The following SEMA6D variants were observed in gnomAD, a reference collection of about 807,000 sequenced individuals.
SEMA6D encodes the protein semaphorin-6D.
Under a neutral mutation model 106.6 loss-of-function variants are expected in SEMA6D, and 35 were observed. The ratio of observed to expected loss-of-function variants is 0.33; its 90% CI spans 0.25 to 0.44. SEMA6D has a LOEUF of 0.44. Ranked by LOEUF, SEMA6D falls within the 20% of genes least tolerant of loss-of-function variation. The pLI, the probability that SEMA6D is intolerant of heterozygous loss-of-function variation, is 1.00. For synonymous variants in SEMA6D, 499 were observed against 487.7 expected (o/e 1.02, Z -0.31); for missense variants, 1,185 against 1,345.9 (o/e 0.88, Z 1.87).
intron 1 of SEMA6D, among the ~76,000 whole-genome samples, chr15:47,343,806 G>A (rs190691605): frequency 0.011 from 1,672 of 152,076 alleles, 13 homozygotes; most frequent in Non-Finnish European, 0.014. Flanking sequence ...GGTATTTCTA[G>A]TTATATGGGA....
At chr15:47,716,853 A>G (rs2146179424), upstream of SEMA6D, 1 of 133,980 alleles carries the variant, frequency 7.5e-6, no homozygotes, top group African/African-American at 2.9e-5. Flanking sequence ...CAATTTCTGT[A>G]TTTTATAAAG....
chr15:47,705,464 C>T (rs1279968557), intron 4 of SEMA6D, among the ~76,000 whole-genome samples: 1 of 152,194 alleles, frequency 6.6e-6, no homozygotes, highest in Non-Finnish European at 1.5e-5. Flanking sequence ...GAGGTCAAAG[C>T]TAAGCCGAAA....
chr15:47,188,016 G>A (rs1485502722), intron 1 of SEMA6D, among the ~76,000 whole-genome samples: 1 of 152,152 alleles, frequency 6.6e-6, no homozygotes, highest in Non-Finnish European at 1.5e-5. Flanking sequence ...AAATAAGAGA[G>A]TTTCATGGTG....
intron 1 of SEMA6D, among the ~76,000 whole-genome samples, chr15:47,287,916 G>T (rs1032064220): frequency 6.6e-6 from 1 of 152,090 alleles, no homozygotes; most frequent in Non-Finnish European, 1.5e-5. Context: ...TTCCAAGGAG[G>T]CCTCAGGAAG....
At chr15:47,509,502 T>C (rs970485016) in intron 3 of SEMA6D, among the ~76,000 whole-genome samples, 3 of 152,164 alleles carry the variant, frequency 2.0e-5, no homozygotes, top group African/African-American at 7.2e-5. Context: ...CTCTATAACC[T>C]AATAAATAAT....
At chr15:47,544,379 G>A (rs746074525) in intron 3 of SEMA6D, among the ~76,000 whole-genome samples, 15 of 152,062 alleles carry the variant, frequency 9.9e-5, no homozygotes, top group South Asian at 2.1e-4. Context: ...TCTATTCAAC[G>A]AATAGCTATT....
At chr15:47,660,632 G>A (rs906715496) in intron 4 of SEMA6D, among the ~76,000 whole-genome samples, 1 of 152,082 alleles carries the variant, frequency 6.6e-6, no homozygotes, top group Non-Finnish European at 1.5e-5. Context: ...CTGATGGACA[G>A]TATTTTATAA....
At chr15:47,769,676 T>C (rs2082528709) in intron 18 of SEMA6D, among the ~76,000 whole-genome samples, 1 of 152,216 alleles carries the variant, frequency 6.6e-6, no homozygotes, top group Admixed American at 6.5e-5. Flanking sequence ...TGTAACAGAC[T>C]TGAATACCTC....
At chr15:47,407,946 G>T (rs2146137332) in intron 1 of SEMA6D, among the ~76,000 whole-genome samples, 1 of 152,226 alleles carries the variant, frequency 6.6e-6, no homozygotes, top group East Asian at 1.9e-4. Context: ...TGGGGGTGTT[G>T]GGAATCTCCA....
chr15:47,292,479 C>CTT (rs200734066), intron 1 of SEMA6D, among the ~76,000 whole-genome samples: 3 of 151,212 alleles, frequency 2.0e-5, no homozygotes, highest in African/African-American at 7.3e-5. Flanking sequence ...GCAATGCTTT[C>CTT]TTTTTTTTTA....
At chr15:47,411,090 T>C (rs2040778352) in intron 1 of SEMA6D, among the ~76,000 whole-genome samples, 2 of 151,790 alleles carry the variant, frequency 1.3e-5, no homozygotes. Context: ...CTTAGCTGAG[T>C]TTTTTGTTTT....
chr15:47,250,417 G>A (rs1157197365), intron 1 of SEMA6D, among the ~76,000 whole-genome samples: 3 of 149,662 alleles, frequency 2.0e-5, no homozygotes, highest in Non-Finnish European at 4.4e-5. Context: ...AGAGAAAGAA[G>A]GAAAGAACCT....
In SEMA6D at chr15:47,314,597, C is replaced by CAAA. The variant is rs764929520; in HGVS notation, c.-238-97777_-238-97775dup. ...TGGGCGACAGAGCGAGACTCCATCTCAAAAAAAAAAAAAAAAAAAAAGAAT... is the reference window on the plus strand; with the variant it reads ...TGGGCGACAGAGCGAGACTCCATCTCAAAAAAAAAAAAAAAAAAAAAAAAGAAT... On this transcript the variant is annotated intron_variant, in intron 1 of 19. Coordinates refer to the SEMA6D transcript ENST00000558014. Among the ~76,000 whole-genome samples the CAAA allele has an allele frequency of 6.2e-4, 15 of 24,280 alleles. 1 individual carries two copies. The highest frequency in any genetic ancestry group is 1.3e-3 in the Non-Finnish European group (11 of 8,708). 15.9% of individuals were successfully genotyped at this position (24,280 alleles called of 152,430 possible). A position where few individuals can be genotyped will look rare whatever the true frequency, so the allele number is the denominator to read the frequency against.
At chr15:47,736,586 TTACTC>T (rs2080459992) in intron 1 of SEMA6D, among the ~76,000 whole-genome samples, 1 of 152,206 alleles carries the variant, frequency 6.6e-6, no homozygotes, top group Non-Finnish European at 1.5e-5. Context: ...TGTAGGGTGA[TTACTC>T]TAGCAAAAAG....
At chr15:47,263,814 G>A (rs1326547584) in intron 1 of SEMA6D, among the ~76,000 whole-genome samples, 1 of 150,498 alleles carries the variant, frequency 6.6e-6, no homozygotes, top group East Asian at 2.0e-4. Flanking sequence ...TGTCATTGAT[G>A]GGCATTAAGG....
intron 1 of SEMA6D, among the ~76,000 whole-genome samples, chr15:47,396,134 C>T (rs902408539): frequency 9.2e-5 from 14 of 152,108 alleles, no homozygotes; most frequent in Admixed American, 7.2e-4. Flanking sequence ...TCACCAAAAC[C>T]CGACCGTGCT....
At chr15:47,613,140 C>A (rs1028398613) in intron 4 of SEMA6D, among the ~76,000 whole-genome samples, 1 of 152,100 alleles carries the variant, frequency 6.6e-6, no homozygotes, top group Admixed American at 6.6e-5. Flanking sequence ...TAACTGTTTG[C>A]AATCACAGCA....
intron 1 of SEMA6D, among the ~76,000 whole-genome samples, chr15:47,299,267 C>T (rs80160263): frequency 0.022 from 3,317 of 152,242 alleles, 111 homozygotes; most frequent in African/African-American, 0.076. Flanking sequence ...TGTGTTGGTC[C>T]ACACAAACTA....
chr15:47,478,430 A>G (rs899610459), intron 3 of SEMA6D, among the ~76,000 whole-genome samples: 2 of 152,348 alleles, frequency 1.3e-5, no homozygotes, highest in South Asian at 2.1e-4. Flanking sequence ...ACAAAGGGCA[A>G]TAACAGAGTT....
Sources: allele counts gnomAD v4.1 joint callset (sites outside exome capture counted in the v4.1 genomes callset), GRCh38; gene constraint gnomAD v4.1.1; transcripts MANE v1.5; gene names NCBI Gene and HGNC (gene_info 2026-07-23, HGNC 2026-07-21).